Variants in DENND6A observed in about 807,000 individuals in gnomAD.
DENND6A encodes DENN domain containing 6A, also known as protein DENND6A.
In DENND6A, 43 loss-of-function variants were observed where a neutral mutation model predicts 95.5. The observed-to-expected ratio is 0.45, with a 90% CI of 0.35 to 0.58. The LOEUF (loss-of-function observed/expected upper bound fraction) is 0.58. DENND6A is among the 20% of genes least tolerant of loss of function. The probability of loss-of-function intolerance (pLI) is 0.00; values close to 1 mark genes in which losing one functional copy is unlikely to be tolerated. For synonymous variants in DENND6A, 257 were observed against 260.4 expected (o/e 0.99, Z 0.13); for missense variants, 574 against 736.0 (o/e 0.78, Z 2.55).
intron 12 of DENND6A, among the ~76,000 whole-genome samples, chr3:57,641,205 T>C (rs944418740): frequency 8.3e-5 from 12 of 144,944 alleles, no homozygotes; most frequent in Admixed American, 3.5e-4. Context: ...TATTTAAATA[T>C]TTAAGTAATA....
chr3:57,683,682 A>G (rs769616233), intron 1 of DENND6A, among the ~76,000 whole-genome samples: 2 of 152,188 alleles, frequency 1.3e-5, no homozygotes, highest in Non-Finnish European at 2.9e-5. Context: ...TACTACCAAG[A>G]ATTTAAGAAT....
At chr3:57,669,515 A>G (rs1346294634) in intron 3 of DENND6A, among the ~76,000 whole-genome samples, 1 of 150,646 alleles carries the variant, frequency 6.6e-6, no homozygotes, top group Non-Finnish European at 1.5e-5. Flanking sequence ...GGAGATCAAG[A>G]CCATCCTGGC....
chr3:57,690,793 G>T (rs575928752), intron 1 of DENND6A, among the ~76,000 whole-genome samples: 1 of 152,158 alleles, frequency 6.6e-6, no homozygotes, highest in Admixed American at 6.5e-5. Flanking sequence ...GGTTTCCCTG[G>T]TTCTGAACTC....
intron 1 of DENND6A, among the ~76,000 whole-genome samples, chr3:57,691,526 C>A (rs934446180): frequency 6.6e-6 from 1 of 152,094 alleles, no homozygotes. Context: ...CTTAATGTCG[C>A]TGAACTGTGT....
intron 11 of DENND6A, among the ~76,000 whole-genome samples, chr3:57,643,692 T>C (rs1333925230): frequency 1.3e-5 from 2 of 151,522 alleles, no homozygotes; most frequent in Non-Finnish European, 2.9e-5. Context: ...CTGGGTGTGG[T>C]GGTGCATGCC....
intron 3 of DENND6A, among the ~76,000 whole-genome samples, chr3:57,668,014 C>T (rs897867370): frequency 2.0e-5 from 3 of 151,364 alleles, no homozygotes; most frequent in African/African-American, 7.3e-5. Context: ...TGCAGTGAGC[C>T]GAGATCACAC....
chr3:57,641,658 G>A lies in DENND6A; in HGVS notation c.1127C>T (p.Pro376Leu), dbSNP rs775474754. 3.7e-6 allele frequency: 6 copies of A among 1,611,146 alleles called. No homozygotes were observed. Among genetic ancestry groups the A allele is most frequent in the Non-Finnish European group, 5.1e-6 (6 of 1,178,472 alleles). ...ACACCAAGTTTATACTTTACCTGTA[G>A]GTTTAAGGTCTCCTATTCGAATAAT... is the stretch of plus-strand genomic sequence containing the variant. ...PHIIRIGDLK[P>L]TGEIPKQVKV... The change falls in exon 12 of 20, where the codon CCT becomes CTT. Residue 376 changes from proline to leucine, a missense_variant. By Grantham distance (98) the Pro-to-Leu change is moderately conservative. Transcript: ENST00000311128.
At chr3:57,673,243 G>GAAA (rs111548640) in intron 1 of DENND6A, among the ~76,000 whole-genome samples, 3 of 118,670 alleles carry the variant, frequency 2.5e-5, no homozygotes, top group Non-Finnish European at 3.6e-5. Flanking sequence ...GAAAGAAAAA[G>GAAA]AAAAAAAAAA....
intron 5 of DENND6A, 132 bp from the exon 6 acceptor site, chr3:57,661,683 A>G (rs2071426611): frequency 3.1e-6 from 2 of 648,336 alleles, no homozygotes; most frequent in African/African-American, 3.9e-5. Context: ...GTGGATAGTT[A>G]AAAGGAAACA....
At chr3:57,675,760 G>C (rs2071698156) in intron 1 of DENND6A, among the ~76,000 whole-genome samples, 1 of 152,128 alleles carries the variant, frequency 6.6e-6, no homozygotes, top group African/African-American at 2.4e-5. Flanking sequence ...TAACCAACCT[G>C]ACCTCCTTAG....
At chr3:57,671,306 C>T (rs564997177) in intron 3 of DENND6A, among the ~76,000 whole-genome samples, 1 of 152,132 alleles carries the variant, frequency 6.6e-6, no homozygotes, top group South Asian at 2.1e-4. Context: ...GGGCAGATCA[C>T]GAGGTCAAGA....
chr3:57,665,797 A>G (rs1259209475), intron 4 of DENND6A, among the ~76,000 whole-genome samples: 2 of 152,248 alleles, frequency 1.3e-5, no homozygotes, highest in Non-Finnish European at 2.9e-5. Flanking sequence ...TGACTACCTC[A>G]ACTCTAGATG....
chr3:57,628,405 C>T, intron 19 of DENND6A, 60 bp from the exon 20 acceptor site: 1 of 1,559,900 alleles, frequency 6.4e-7, no homozygotes, highest in East Asian at 2.3e-5. Context: ...TAATACATTA[C>T]ATTCTCTAAA....
At chr3:57,634,436 A>C (rs75259506) in intron 14 of DENND6A, 122 bp downstream of exon 14, 10 of 26,592 alleles carry the variant, frequency 3.8e-4, no homozygotes, top group Admixed American at 1.9e-3. Context: ...CTGTCTCCCA[A>C]AAAAAAAAAA....
At chr3:57,675,533 C>T (rs1445059415) in intron 1 of DENND6A, among the ~76,000 whole-genome samples, 1 of 152,180 alleles carries the variant, frequency 6.6e-6, no homozygotes, top group African/African-American at 2.4e-5. Flanking sequence ...ACAATAAAGG[C>T]TATCCTAATT....
At chr3:57,676,700 T>C (rs1402137468) in intron 1 of DENND6A, among the ~76,000 whole-genome samples, 7 of 152,182 alleles carry the variant, frequency 4.6e-5, no homozygotes, top group Admixed American at 4.6e-4. Flanking sequence ...GTACAAATAA[T>C]ATGACAAGGA....
At chr3:57,688,913 T>C (rs1384229973) in intron 1 of DENND6A, among the ~76,000 whole-genome samples, 1 of 152,230 alleles carries the variant, frequency 6.6e-6, no homozygotes, top group Admixed American at 6.5e-5. Flanking sequence ...CGAATATTAA[T>C]AGCAGTTGCC....
intron 14 of DENND6A, 150 bp downstream of exon 14, chr3:57,634,408 G>A: frequency 5.7e-6 from 2 of 352,640 alleles, no homozygotes; most frequent in Non-Finnish European, 9.9e-6. Context: ...ACTCCAGCCT[G>A]GGTGATAGAG....
At chr3:57,648,376 C>T (rs1417204405) in intron 9 of DENND6A, among the ~76,000 whole-genome samples, 1 of 152,138 alleles carries the variant, frequency 6.6e-6, no homozygotes, top group East Asian at 1.9e-4. Flanking sequence ...GAAACACATC[C>T]TATGCTCATG....
Sources: allele counts gnomAD v4.1 joint callset (sites outside exome capture counted in the v4.1 genomes callset), GRCh38; gene constraint gnomAD v4.1.1; transcripts MANE v1.5; gene names NCBI Gene and HGNC (gene_info 2026-07-23, HGNC 2026-07-21).